The following FILIP1L variants were observed in gnomAD, a reference collection of about 807,000 sequenced individuals.
The protein encoded by FILIP1L is filamin A interacting protein 1 like, also known as filamin A-interacting protein 1-like.
A neutral mutation model predicts 96.6 loss-of-function variants in FILIP1L; 55 were observed. The ratio of observed to expected loss-of-function variants is 0.57; its 90% CI spans 0.46 to 0.71. The LOEUF is 0.71. Among genes scored for constraint, FILIP1L ranks in the 30% least tolerant of loss-of-function variants. The pLI is 0.00. For synonymous variants in FILIP1L, 467 were observed against 473.9 expected (o/e 0.99, Z 0.19); for missense variants, 1,304 against 1,321.2 (o/e 0.99, Z 0.20).
intron 4 of FILIP1L, among the ~76,000 whole-genome samples, chr3:99,905,819 A>G (rs1220712185): frequency 2.0e-5 from 3 of 152,238 alleles, no homozygotes; most frequent in Admixed American, 6.5e-5. Context: ...AACTTCATAT[A>G]AATGGAATTT....
chr3:99,894,439 CT>C (rs1706185855), intron 4 of FILIP1L, among the ~76,000 whole-genome samples: 2 of 152,168 alleles, frequency 1.3e-5, no homozygotes, highest in Non-Finnish European at 2.9e-5. Context: ...CTTGTTTCCA[CT>C]TTTAGTTGTC....
At chr3:100,062,256 C>T (rs1295230954) in intron 1 of FILIP1L, among the ~76,000 whole-genome samples, 2 of 151,514 alleles carry the variant, frequency 1.3e-5, no homozygotes, top group African/African-American at 4.9e-5. Context: ...GGACTACAGG[C>T]GCTCGCCACC....
chr3:99,899,200 C>T (rs559919740), intron 4 of FILIP1L, among the ~76,000 whole-genome samples: 5 of 152,096 alleles, frequency 3.3e-5, no homozygotes, highest in African/African-American at 7.2e-5. Context: ...TTCTGATGTT[C>T]GTTGATCTTT....
intron 1 of FILIP1L, among the ~76,000 whole-genome samples, chr3:100,063,382 C>T (rs2065607231): frequency 6.6e-6 from 1 of 151,970 alleles, no homozygotes; most frequent in Non-Finnish European, 1.5e-5. Context: ...TACTATATAT[C>T]TGAATTATTG....
chr3:100,076,002 T>C (rs1346432514), intron 1 of FILIP1L, among the ~76,000 whole-genome samples: 1 of 152,174 alleles, frequency 6.6e-6, no homozygotes, highest in African/African-American at 2.4e-5. Flanking sequence ...AACTATGTAA[T>C]TTCTAAGATC....
chr3:99,860,459 A>ATCT (rs1232088362), intron 4 of FILIP1L, among the ~76,000 whole-genome samples: 1 of 152,174 alleles, frequency 6.6e-6, no homozygotes, highest in African/African-American at 2.4e-5. Context: ...ATTGAGGCAA[A>ATCT]TCTCACTCTT....
chr3:99,984,115 A>G (rs578240702), intron 1 of FILIP1L, among the ~76,000 whole-genome samples: 2 of 150,244 alleles, frequency 1.3e-5, no homozygotes, highest in East Asian at 2.0e-4. Context: ...GTGCTCAGGT[A>G]TGAAATAATT....
chr3:100,087,769 G>T (rs2066036206), intron 1 of FILIP1L, among the ~76,000 whole-genome samples: 1 of 150,618 alleles, frequency 6.6e-6, no homozygotes, highest in South Asian at 2.1e-4. Flanking sequence ...TGTGCTTCTG[G>T]TATTGTACCT....
intron 1 of FILIP1L, among the ~76,000 whole-genome samples, chr3:100,087,370 A>C (rs935310177): frequency 3.9e-5 from 6 of 152,190 alleles, no homozygotes; most frequent in South Asian, 4.1e-4. Flanking sequence ...TGGTATTGTC[A>C]GTGGGTTAGT....
At chr3:100,060,564 A>G (rs2065545676) in intron 1 of FILIP1L, among the ~76,000 whole-genome samples, 2 of 152,114 alleles carry the variant, frequency 1.3e-5, no homozygotes, top group South Asian at 4.1e-4. Flanking sequence ...CACTTAAGAA[A>G]CAAATAGGGG....
chr3:100,074,513 A>G (rs765492944), intron 1 of FILIP1L, among the ~76,000 whole-genome samples: 2 of 151,902 alleles, frequency 1.3e-5, no homozygotes, highest in Non-Finnish European at 2.9e-5. Flanking sequence ...TCATTTTGCA[A>G]ATTTATTCTA....
At chr3:100,087,449 T>C (rs1201565720) in intron 1 of FILIP1L, among the ~76,000 whole-genome samples, 2 of 152,250 alleles carry the variant, frequency 1.3e-5, no homozygotes, top group African/African-American at 4.8e-5. Flanking sequence ...TAGTGGTATC[T>C]CCTTGTGGTT....
At chr3:99,971,064 G>T (rs183543772) in intron 1 of FILIP1L, among the ~76,000 whole-genome samples, 27 of 152,286 alleles carry the variant, frequency 1.8e-4, no homozygotes, top group South Asian at 8.3e-4. Flanking sequence ...GGGGCTGGGC[G>T]TGGTGGCTCA....
chr3:99,911,260 T>C (rs558963550), intron 4 of FILIP1L, among the ~76,000 whole-genome samples: 2 of 151,194 alleles, frequency 1.3e-5, no homozygotes, highest in Non-Finnish European at 2.9e-5. Flanking sequence ...GTGAAATCCA[T>C]TTCTCTTGGG....
chr3:99,956,778 G>T (rs999399702), intron 1 of FILIP1L, among the ~76,000 whole-genome samples: 10 of 152,044 alleles, frequency 6.6e-5, no homozygotes, highest in Non-Finnish European at 1.5e-5. Context: ...CACGCCCAGT[G>T]GTCCCACTTT....
intron 3 of FILIP1L, 52 bp downstream of exon 3, chr3:99,929,804 A>G: frequency 7.3e-7 from 1 of 1,362,008 alleles, no homozygotes; most frequent in Admixed American, 2.2e-5. Flanking sequence ...GCTCATCTGC[A>G]GGGCTAGTGC....
At chr3:100,005,850 CT>C (rs2107179244) in intron 1 of FILIP1L, among the ~76,000 whole-genome samples, 1 of 152,294 alleles carries the variant, frequency 6.6e-6, no homozygotes, top group East Asian at 1.9e-4. Context: ...AAGAAGCTTT[CT>C]TTGGCTTCCA....
At chr3:99,846,510 A>G (rs1012383156) in intron 5 of FILIP1L, among the ~76,000 whole-genome samples, 1 of 152,228 alleles carries the variant, frequency 6.6e-6, no homozygotes, top group Non-Finnish European at 1.5e-5. Context: ...AACAGTTTTA[A>G]TAAACATTTA....
At position 99,829,786 on chromosome 3, in the gene FILIP1L, G is replaced by A. The variant is rs1942614271; in HGVS notation, c.*628C>T. Among the ~76,000 whole-genome samples, 1 of 152,174 alleles carries A rather than the reference G, an allele frequency of 6.6e-6. No individual in the cohort carries two copies. The highest frequency in any genetic ancestry group is 2.4e-5 in the African/African-American group (1 of 41,448). ...TCAATGTTACTGAGACTAAGTGCCA[G>A]TGGTCAGGTATGCTTACTACACCAG... On this transcript the variant is annotated 3_prime_UTR_variant, in exon 6 of 6. Transcript: ENST00000477258.
Sources: allele counts gnomAD v4.1 joint callset (sites outside exome capture counted in the v4.1 genomes callset), GRCh38; gene constraint gnomAD v4.1.1; transcripts MANE v1.5; gene names NCBI Gene and HGNC (gene_info 2026-07-23, HGNC 2026-07-21).